Variants in CLN5 observed in about 807,000 individuals in gnomAD.
The protein encoded by CLN5 is CLN5 lysosomal BMP synthase.
A neutral mutation model predicts 36.7 loss-of-function variants in CLN5; 34 were observed. The ratio of observed to expected loss-of-function variants is 0.93; its 90% CI spans 0.71 to 1.23. The LOEUF is 1.23. Ranked by LOEUF, CLN5 falls within the 50% of genes most tolerant of loss-of-function variation. The probability of loss-of-function intolerance (pLI) is 0.00; values close to 1 mark genes in which losing one functional copy is unlikely to be tolerated. For missense variants in CLN5, 427 were observed against 439.4 expected (o/e 0.97, Z 0.25); for synonymous variants, 151 against 155.1 (o/e 0.97, Z 0.20).
chr13:76,994,954 T>C (rs1446970477), intron 1 of CLN5, 109 bp from the exon 2 acceptor site: 6 of 910,498 alleles, frequency 6.6e-6, no homozygotes, highest in Non-Finnish European at 1.0e-5. Flanking sequence ...TTATTAACTA[T>C]GGTCCGACCT....
At position 77,002,639 on chromosome 13, in the gene CLN5, G is replaced by C. The variant is rs1053445266; in HGVS notation, c.*1670G>C. The stretch of plus-strand genomic sequence containing the variant: ...TCACCAGATATCTTCCTCAAATACA[G>C]AGGGAGAACTTTCTTTCACGCCTCC... On this transcript the variant is annotated 3_prime_UTR_variant, in exon 4 of 4. Coordinates refer to ENST00000377453, the MANE Select transcript of CLN5 (RefSeq NM_006493.4). 2.6e-5 allele frequency: 4 copies of C among 152,004 alleles called. No homozygotes were observed. The highest frequency in any genetic ancestry group is 3.9e-4 in the East Asian group (2 of 5,184). 9.4% of individuals were successfully genotyped at this position (152,004 alleles called of 1,614,324 possible). A position where few individuals can be genotyped will look rare whatever the true frequency, so the allele number is the denominator to read the frequency against.
chr13:76,997,708 C>G (rs1312273929), intron 3 of CLN5: 1 of 152,226 alleles, frequency 6.6e-6, no homozygotes, highest in Non-Finnish European at 1.5e-5. Flanking sequence ...TCATGCAGAA[C>G]TTCACCTGTT....
rs1176914756 is a variant in CLN5, at chr13:77,001,111, A to ACAT, written c.*144_*146dup. ...ACATCAGCAGAATTGCTGCATATTAACATCTCAGGACTCTTCTCTTGTAAA... is the reference window on the plus strand; with the variant it reads ...ACATCAGCAGAATTGCTGCATATTAACATCATCTCAGGACTCTTCTCTTGTAAA... On this transcript the variant is annotated 3_prime_UTR_variant, in exon 4 of 4. Coordinates refer to ENST00000377453, the MANE Select transcript of CLN5 (RefSeq NM_006493.4). The ACAT allele has an allele frequency of 1.5e-6, 1 of 670,998 alleles. No homozygotes were observed. The highest frequency in any genetic ancestry group is 2.5e-6 in the Non-Finnish European group (1 of 402,282). 41.6% of individuals were successfully genotyped at this position (670,998 alleles called of 1,614,324 possible). A position where few individuals can be genotyped will look rare whatever the true frequency, so the allele number is the denominator to read the frequency against.
Position 77,002,555 on chromosome 13 carries a change from AT to A in CLN5, c.*1591del, listed in dbSNP as rs1318020348. 1 of 144,512 alleles carries A rather than the reference AT, an allele frequency of 6.9e-6. No individual in the cohort carries two copies. Among genetic ancestry groups the A allele is most frequent in the Non-Finnish European group, 1.5e-5 (1 of 65,778 alleles). 9.0% of individuals were successfully genotyped at this position (144,512 alleles called of 1,614,324 possible). A position where few individuals can be genotyped will look rare whatever the true frequency, so the allele number is the denominator to read the frequency against. ...TTGGTCTTATTTTGTCTAGGAATTC[AT>A]TTTTGCTGGGTTTTTTTTTTTCAAC... On this transcript the variant is annotated 3_prime_UTR_variant, in exon 4 of 4. Transcript: ENST00000377453.
intron 2 of CLN5, 146 bp downstream of exon 2, chr13:76,995,374 A>G: frequency 1.3e-6 from 1 of 741,390 alleles, no homozygotes; most frequent in Non-Finnish European, 2.4e-6. Context: ...GTAGTCAAAA[A>G]TAGTTACTAT....
At chr13:76,992,896 G>A (rs187862111) in intron 1 of CLN5, 1 of 152,516 alleles carries the variant, frequency 6.6e-6, no homozygotes, top group African/African-American at 2.4e-5. Context: ...CGCACACCTG[G>A]GAGGTCGATT....
At chr13:76,996,273 A>G in intron 3 of CLN5, 146 bp downstream of exon 3, 1 of 677,466 alleles carries the variant, frequency 1.5e-6, no homozygotes, top group Non-Finnish European at 2.5e-6. Context: ...AACTTTGGGA[A>G]TTTTTTTCAT....
At chr13:77,000,417 C>A in intron 3 of CLN5, 41 bp from the exon 4 acceptor site, 1 of 1,539,028 alleles carries the variant, frequency 6.5e-7, no homozygotes, top group Non-Finnish European at 8.8e-7. Flanking sequence ...ACATGATTAG[C>A]TTTGTTCACT....
intron 1 of CLN5, chr13:76,993,810 T>C (rs1334906386): frequency 6.6e-6 from 1 of 152,188 alleles, no homozygotes; most frequent in African/African-American, 2.4e-5. Context: ...TAAGTTAAAA[T>C]AGAAATTTTT....
chr13:77,001,134 A>G lies in CLN5; in HGVS notation c.*165A>G. 1.7e-6 allele frequency: 1 copy of G among 593,072 alleles called. No individual in the cohort carries two copies. The highest frequency in any genetic ancestry group is 2.9e-6 in the Non-Finnish European group (1 of 349,630). The allele number at this position is 593,072 out of a possible 1,614,324, so 36.7% of individuals were successfully genotyped here. The stretch of plus-strand genomic sequence containing the variant: ...TAACATCTCAGGACTCTTCTCTTGT[A>G]AAGAAGCTGAAATTCGTACTATATT... On this transcript the variant is annotated 3_prime_UTR_variant, in exon 4 of 4. Coordinates refer to ENST00000377453, the MANE Select transcript of CLN5 (RefSeq NM_006493.4).
At chr13:76,993,330 A>C (rs1392876176) in intron 1 of CLN5, 1 of 152,226 alleles carries the variant, frequency 6.6e-6, no homozygotes. Flanking sequence ...TCAAACCTAG[A>C]TAGTGTATTC....
At position 76,995,243 on chromosome 13, in the gene CLN5, T is replaced by C. The variant is rs779923225; in HGVS notation, c.339+15T>C. 4 of 1,612,748 alleles carry C rather than the reference T, an allele frequency of 2.5e-6. No individual in the cohort carries two copies. The Admixed American group carries it at 6.7e-5, about 27-fold the overall frequency. ...TGGGACACTTGGTAAGGATGCATCT[T>C]GGTCTTATAACTTTGGTTAATTCAA... On this transcript the variant is annotated intron_variant, in intron 2 of 3. Coordinates refer to ENST00000377453, the MANE Select transcript of CLN5 (RefSeq NM_006493.4).
Position 77,001,608 on chromosome 13 carries a change from TCAC to T in CLN5, c.*640_*642del, listed in dbSNP as rs2034364338. The T allele has an allele frequency of 6.6e-6, 1 of 152,262 alleles. No individual in the cohort carries two copies. Among genetic ancestry groups the T allele is most frequent in the Non-Finnish European group, 1.5e-5 (1 of 68,074 alleles). 9.4% of individuals were successfully genotyped at this position (152,262 alleles called of 1,614,324 possible). On this transcript the variant is annotated 3_prime_UTR_variant, in exon 4 of 4. Transcript: ENST00000377453. ...CTTGTGTTCTTTAAGCATACTAACATCACTAAATCTTAGGATTTAGGATTGCTG... is the reference window on the plus strand; with the variant it reads ...CTTGTGTTCTTTAAGCATACTAACATTAAATCTTAGGATTTAGGATTGCTG...
At chr13:77,000,213 TA>T (rs972774933) in intron 3 of CLN5, 13 of 281,316 alleles carry the variant, frequency 4.6e-5, no homozygotes, top group Non-Finnish European at 8.6e-5. Flanking sequence ...GGTCTCAAAT[TA>T]AAAAAAAGAA....
Position 76,992,238 on chromosome 13 carries a change from T to A in CLN5, c.140T>A (p.Ile47Asn). 1 of 1,587,052 alleles carries A rather than the reference T, an allele frequency of 6.3e-7. No individual in the cohort carries two copies. The highest frequency in any genetic ancestry group is 8.5e-7 in the Non-Finnish European group (1 of 1,172,656). The stretch of plus-strand genomic sequence containing the variant: ...CCGGGCTGGTCCCGGGTCTCGGGCA[T>A]CCCCTCCCGGCGCCACTGGCCGGTG... ...VVPGWSRVSG[I>N]PSRRHWPVPY... The change falls in exon 1 of 4, where the codon ATC (isoleucine) becomes AAC (asparagine). Residue 47 changes from isoleucine to asparagine, a missense_variant. By Grantham distance (149) the Ile-to-Asn change is moderately radical. Transcript: ENST00000377453.
Position 77,004,809 on chromosome 13 carries a change from C to T in CLN5, c.*3840C>T, listed in dbSNP as rs2034422992. On this transcript the variant is annotated 3_prime_UTR_variant, in exon 4 of 4. Transcript: ENST00000377453. ...TAATCTTCAATCATACCTATTTTTT[C>T]TGATATGGTTACAACAGCCCAAATT... 1 of 152,064 alleles carries T rather than the reference C, an allele frequency of 6.6e-6. No individual in the cohort carries two copies. Among genetic ancestry groups the T allele is most frequent in the South Asian group, 2.1e-4 (1 of 4,822 alleles). 9.4% of individuals were successfully genotyped at this position (152,064 alleles called of 1,614,324 possible).
chr13:76,995,033 C>A, intron 1 of CLN5, 30 bp from the exon 2 acceptor site: 1 of 1,606,380 alleles, frequency 6.2e-7, no homozygotes, highest in South Asian at 1.1e-5. Context: ...ATTTTAGAAT[C>A]TAAGTAGATG....
At chr13:76,999,951 A>G (rs1049439581) in intron 3 of CLN5, 4 of 152,170 alleles carry the variant, frequency 2.6e-5, no homozygotes, top group African/African-American at 9.7e-5. Context: ...GCCTTGAAGA[A>G]TGGAATAAAA....
At position 76,992,702 on chromosome 13, in the gene CLN5, G is replaced by T. The variant is rs144455391; in HGVS notation, c.173+431G>T. On this transcript the variant is annotated intron_variant, in intron 1 of 3. Transcript: ENST00000377453. ...TTTACTGGGCGACCAACTCGCTCTG[G>T]TTTGAACCTGATCAGAACCTGATCC... The T allele has an allele frequency of 2.1e-3, 433 of 208,682 alleles. 1 individual carries two copies. The highest frequency in any genetic ancestry group is 9.3e-3 in the African/African-American group (393 of 42,294). The allele number at this position is 208,682 out of a possible 1,614,324, so 12.9% of individuals were successfully genotyped here.
Sources: allele counts gnomAD v4.1 joint callset, GRCh38; gene constraint gnomAD v4.1.1; transcripts MANE v1.5; gene names NCBI Gene and HGNC (gene_info 2026-07-23, HGNC 2026-07-21).